SET: variants seen among roughly 807,000 people sequenced by gnomAD.
The protein encoded by SET is protein SET.
Under a neutral mutation model 39.0 loss-of-function variants are expected in SET, and 4 were observed. That is an observed-to-expected ratio of 0.10 (90% confidence interval 0.05 to 0.23). SET has a LOEUF of 0.23. Among genes scored for constraint, SET ranks in the 10% least tolerant of loss-of-function variants. The probability of loss-of-function intolerance (pLI) is 1.00; values close to 1 mark genes in which losing one functional copy is unlikely to be tolerated. For synonymous variants in SET, 114 were observed against 115.9 expected (o/e 0.98, Z 0.11); for missense variants, 137 against 329.7 (o/e 0.42, Z 4.53).
upstream of SET, among the ~76,000 whole-genome samples, chr9:128,686,392 C>A (rs144858493): frequency 8.7e-4 from 132 of 152,248 alleles, no homozygotes; most frequent in African/African-American, 2.8e-3. Context: ...TACAGGGTTC[C>A]CTGGGACCCC....
intron 7 of SET, among the ~76,000 whole-genome samples, 195 bp downstream of exon 7, chr9:128,694,237 T>TTGG (rs1861648195): frequency 6.9e-6 from 1 of 145,304 alleles, no homozygotes. Flanking sequence ...AGGTTTTTTT[T>TTGG]GGTTTTTTTT....
upstream of SET, among the ~76,000 whole-genome samples, chr9:128,687,711 G>C (rs896633306): frequency 4.6e-5 from 7 of 151,886 alleles, no homozygotes; most frequent in East Asian, 1.2e-3. Flanking sequence ...TGTCCAAAGA[G>C]AGATTTCAGG....
chr9:128,693,000 T>C lies in SET; in HGVS notation c.492+19T>C. The C allele has an allele frequency of 1.3e-6, 2 of 1,499,578 alleles. No homozygotes were observed. Among genetic ancestry groups the C allele is most frequent in the Non-Finnish European group, 1.8e-6 (2 of 1,081,696 alleles). 92.9% of individuals were successfully genotyped at this position (1,499,578 alleles called of 1,614,324 possible). A position where few individuals can be genotyped will look rare whatever the true frequency, so the allele number is the denominator to read the frequency against. ...TGGAAAGGTATGTTTTGAGGAATTATTTGACAAAAATAGCATTTTGCCTAT... is the reference window on the plus strand; with the variant it reads ...TGGAAAGGTATGTTTTGAGGAATTACTTGACAAAAATAGCATTTTGCCTAT... On this transcript the variant is annotated intron_variant, in intron 5 of 7. Coordinates refer to ENST00000322030, the MANE Select transcript of SET (RefSeq NM_003011.4).
At chr9:128,684,025 G>A (rs1861204016) in intron 1 of SET, 1 of 1,516,866 alleles carries the variant, frequency 6.6e-7, no homozygotes, top group Non-Finnish European at 9.0e-7. Flanking sequence ...TCTGCGCTAA[G>A]TTTTATTGGA....
chr9:128,689,980 C>A, intron 1 of SET: 1 of 964,100 alleles, frequency 1.0e-6, no homozygotes, highest in Non-Finnish European at 1.3e-6. Context: ...CTTTATTGTG[C>A]TCCGCCATGA....
rs1232210528 is a variant in SET, at chr9:128,689,287, C to G, written c.-296C>G. The G allele has an allele frequency of 9.8e-7, 1 of 1,015,828 alleles. No homozygotes were observed. Among genetic ancestry groups the G allele is most frequent in the East Asian group, 7.8e-5 (1 of 12,854 alleles). The allele number at this position is 1,015,828 out of a possible 1,614,324, so 62.9% of individuals were successfully genotyped here. A position where few individuals can be genotyped will look rare whatever the true frequency, so the allele number is the denominator to read the frequency against. On this transcript the variant is annotated 5_prime_UTR_variant, in exon 1 of 8. It adds an upstream start codon to the 5' untranslated region. Transcript: ENST00000322030. Reference sequence around the variant, plus strand: ...AGAGCGAGCAGCGAGCTGGCTGGATCGCCGAGCGCGAGTGAGGGAGCCGAG... The same window carrying G: ...AGAGCGAGCAGCGAGCTGGCTGGATGGCCGAGCGCGAGTGAGGGAGCCGAG...
In SET at chr9:128,690,060, C is replaced by G. The variant is rs990085527; in HGVS notation, c.73+405C>G. On this transcript the variant is annotated intron_variant, in intron 1 of 7. Transcript: ENST00000322030. The stretch of plus-strand genomic sequence containing the variant: ...GGACGCGGCCCCGCGCCCGACCTCC[C>G]GCGCGGTTCCGCTTCGCGCCCGGCC... The G allele has an allele frequency of 6.6e-6, 6 of 906,192 alleles. No homozygotes were observed. In the African/African-American group the frequency reaches 1.1e-4, roughly 16 times the overall value. 56.1% of individuals were successfully genotyped at this position (906,192 alleles called of 1,614,324 possible). A position where few individuals can be genotyped will look rare whatever the true frequency, so the allele number is the denominator to read the frequency against.
In SET at chr9:128,692,014, A is replaced by G. The variant is rs779507333; in HGVS notation, c.274+14A>G. ...ACCATCCACAAGGTATGTTTTGGAC[A>G]GGGCATTGTTAAAGGATAAACAGTG... On this transcript the variant is annotated intron_variant, in intron 3 of 7. Transcript: ENST00000322030. 2.5e-6 allele frequency: 4 copies of G among 1,612,488 alleles called. No individual in the cohort carries two copies. The East Asian group carries it at 8.9e-5, about 36-fold the overall frequency.
chr9:128,691,761 T>A (rs1421561384), intron 2 of SET, 97 bp from the exon 3 acceptor site: 2 of 1,211,020 alleles, frequency 1.7e-6, no homozygotes, highest in Non-Finnish European at 2.3e-6. Context: ...TTATTTTGCA[T>A]GACTCAAGCT....
At position 128,694,752 on chromosome 9, in the gene SET, T is replaced by G; in HGVS notation, c.*88T>G. ...TTGCAGTCTTTTTTTTTTTTTTTTT[T>G]TTTTTTCCCTCTTGTGCTCAGTCGC... On this transcript the variant is annotated 3_prime_UTR_variant, in exon 8 of 8. Coordinates refer to ENST00000322030, the MANE Select transcript of SET (RefSeq NM_003011.4). 1 of 753,838 alleles carries G rather than the reference T, an allele frequency of 1.3e-6. No individual in the cohort carries two copies. The highest frequency in any genetic ancestry group is 2.1e-6 in the Non-Finnish European group (1 of 472,266). 46.7% of individuals were successfully genotyped at this position (753,838 alleles called of 1,614,324 possible).
At chr9:128,686,563 G>A (rs1861291135), upstream of SET, among the ~76,000 whole-genome samples, 1 of 152,172 alleles carries the variant, frequency 6.6e-6, no homozygotes, top group African/African-American at 2.4e-5. Flanking sequence ...ATTTGGTGGG[G>A]TGTGACCTGC....
Position 128,693,994 on chromosome 9 carries a change from G to A in SET, c.762G>A (p.Glu254=), listed in dbSNP as rs1442783513. Reference sequence around the variant, plus strand: ...AAGATATTGACGAAGAAGGGGATGAGGATGAAGGTGAAGAAGATGAAGATG... The same window carrying A: ...AAGATATTGACGAAGAAGGGGATGAAGATGAAGGTGAAGAAGATGAAGATG... ...GLEDIDEEGD[E]DEGEEDEDDD... Residue 254 remains glutamate, a synonymous_variant, in exon 7 of 8, where the codon GAG becomes GAA. Transcript: ENST00000322030. The A allele has an allele frequency of 5.8e-6, 9 of 1,552,710 alleles. No individual in the cohort carries two copies. Among genetic ancestry groups the A allele is most frequent in the African/African-American group, 1.4e-5 (1 of 73,500 alleles).
chr9:128,694,548 G>GC, intron 7 of SET, 93 bp from the exon 8 acceptor site: 1 of 748,244 alleles, frequency 1.3e-6, no homozygotes, highest in Non-Finnish European at 2.2e-6. Flanking sequence ...AAACTGGAGT[G>GC]CCCCCAGGGG....
upstream of SET, chr9:128,685,199 A>G (rs1456405300): frequency 1.2e-6 from 2 of 1,600,890 alleles, no homozygotes; most frequent in African/African-American, 2.7e-5. Context: ...CCCAGCTTGA[A>G]ACCTACCTTG....
Position 128,689,225 on chromosome 9 carries a change from T to C in SET, c.-358T>C. ...CGCGCCTGCGCCCTGCGCCCGCCCC[T>C]CGCCGTAGGAGGAGGTGGAGGAGGA... On this transcript the variant is annotated 5_prime_UTR_variant, in exon 1 of 8. Coordinates refer to ENST00000322030, the MANE Select transcript of SET (RefSeq NM_003011.4). The C allele has an allele frequency of 1.0e-6, 1 of 995,520 alleles. No homozygotes were observed. 61.7% of individuals were successfully genotyped at this position (995,520 alleles called of 1,614,324 possible).
chr9:128,684,177 G>A (rs999077329), intron 1 of SET, among the ~76,000 whole-genome samples: 16 of 152,096 alleles, frequency 1.1e-4, no homozygotes, highest in East Asian at 1.9e-4. Flanking sequence ...GGACTAGACT[G>A]GGAGAACGGG....
At chr9:128,694,168 A>G (rs1589462752) in intron 7 of SET, 126 bp downstream of exon 7, 6 of 894,048 alleles carry the variant, frequency 6.7e-6, no homozygotes, top group Middle Eastern at 2.6e-4. Context: ...AAAGTAAGCC[A>G]TTTTGTTGTT....
At chr9:128,690,007 G>T (rs1348616594) in intron 1 of SET, 2 of 1,011,042 alleles carry the variant, frequency 2.0e-6, no homozygotes, top group South Asian at 3.1e-5. Flanking sequence ...GCTCCCATCA[G>T]CCGCCGCCGC....
At chr9:128,691,744 A>C in intron 2 of SET, 114 bp from the exon 3 acceptor site, 2 of 1,003,080 alleles carry the variant, frequency 2.0e-6, no homozygotes, top group Non-Finnish European at 2.9e-6. Flanking sequence ...TGGTTATTAT[A>C]ATTTGGTTAT....
Sources: gnomAD v4.1 joint callset for allele counts (sites outside exome capture counted in the v4.1 genomes callset) on GRCh38, gnomAD v4.1.1 for gene constraint, MANE v1.5 for transcripts, NCBI Gene and HGNC (gene_info 2026-07-23, HGNC 2026-07-21) for gene names.